The following GRM8 variants were observed in gnomAD, a reference collection of about 807,000 sequenced individuals.
GRM8 encodes glutamate metabotropic receptor 8.
A neutral mutation model predicts 87.2 loss-of-function variants in GRM8; 47 were observed. The ratio of observed to expected loss-of-function variants is 0.54; its 90% CI spans 0.43 to 0.69. The LOEUF (loss-of-function observed/expected upper bound fraction) is 0.69. Among genes scored for constraint, GRM8 ranks in the 30% least tolerant of loss-of-function variants. The pLI is 0.00. For missense variants in GRM8, 1,019 were observed against 1,139.2 expected (o/e 0.89, Z 1.52); for synonymous variants, 396 against 404.5 (o/e 0.98, Z 0.25).
intron 9 of GRM8, among the ~76,000 whole-genome samples, chr7:126,518,903 C>G (rs556792140): frequency 7.2e-5 from 11 of 151,996 alleles, no homozygotes; most frequent in Non-Finnish European, 1.5e-4. Flanking sequence ...GAGAAGATAA[C>G]TTCCTTAATC....
chr7:127,030,924 C>T (rs1200921043), intron 3 of GRM8, among the ~76,000 whole-genome samples: 1 of 152,058 alleles, frequency 6.6e-6, no homozygotes, highest in Non-Finnish European at 1.5e-5. Flanking sequence ...CTTGGCTGAC[C>T]CTCTCTGAAG....
At chr7:127,042,066 G>C (rs1818477590) in intron 3 of GRM8, among the ~76,000 whole-genome samples, 1 of 152,190 alleles carries the variant, frequency 6.6e-6, no homozygotes, top group African/African-American at 2.4e-5. Context: ...ATTGTAGAAA[G>C]AGAGGTCCTG....
At chr7:127,230,995 G>C (rs756796114) in intron 2 of GRM8, among the ~76,000 whole-genome samples, 10 of 152,128 alleles carry the variant, frequency 6.6e-5, no homozygotes, top group Non-Finnish European at 1.3e-4. Context: ...TATATTGCTC[G>C]TGGTTATTTT....
rs564345066 is a variant in GRM8, at chr7:126,965,307, A to T, written c.728-60624T>A. On this transcript the variant is annotated intron_variant, in intron 3 of 10. Coordinates refer to ENST00000339582, the MANE Select transcript of GRM8 (RefSeq NM_000845.3). ...ACATGTACCCCAGAACTTAAATTTT[A>T]AAAAAAAGAAAGAGGAAACATTTGT... is the stretch of plus-strand genomic sequence containing the variant. 4.0e-3 allele frequency among the ~76,000 whole-genome samples: 613 copies of T among 152,092 alleles called. 6 individuals are homozygous for T. The highest frequency in any genetic ancestry group is 0.014 in the African/African-American group (582 of 41,494).
At chr7:126,513,851 TC>T (rs879320074) in intron 9 of GRM8, among the ~76,000 whole-genome samples, 1 of 152,128 alleles carries the variant, frequency 6.6e-6, no homozygotes, top group Non-Finnish European at 1.5e-5. Flanking sequence ...TTGATTATAA[TC>T]AGAGGTGTAT....
At chr7:127,041,118 C>A (rs1751427254) in intron 3 of GRM8, among the ~76,000 whole-genome samples, 1 of 152,100 alleles carries the variant, frequency 6.6e-6, no homozygotes, top group Non-Finnish European at 1.5e-5. Context: ...TGTGGTCAGG[C>A]AAGGAGGGGG....
At chr7:126,598,154 T>G (rs1174942084) in intron 8 of GRM8, among the ~76,000 whole-genome samples, 1 of 152,100 alleles carries the variant, frequency 6.6e-6, no homozygotes, top group East Asian at 1.9e-4. Context: ...CTACCTTTTT[T>G]GTTTCTTCTC....
At chr7:127,239,139 C>T (rs1228376713) in intron 2 of GRM8, among the ~76,000 whole-genome samples, 1 of 152,162 alleles carries the variant, frequency 6.6e-6, no homozygotes, top group African/African-American at 2.4e-5. Context: ...GTCTCCTTCA[C>T]ATTTTAGTTC....
chr7:127,037,350 C>T (rs986810392), intron 3 of GRM8, among the ~76,000 whole-genome samples: 2 of 152,160 alleles, frequency 1.3e-5, no homozygotes, highest in Non-Finnish European at 2.9e-5. Context: ...CCAGGACTTG[C>T]TCCAAGCCCA....
intron 7 of GRM8, among the ~76,000 whole-genome samples, chr7:126,637,781 G>C (rs1031180649): frequency 3.9e-5 from 6 of 152,132 alleles, no homozygotes; most frequent in African/African-American, 9.6e-5. Flanking sequence ...GCAGTCTGTG[G>C]CCTTTCGAGT....
intron 8 of GRM8, among the ~76,000 whole-genome samples, chr7:126,594,093 T>C (rs1249694006): frequency 1.3e-5 from 2 of 151,868 alleles, no homozygotes; most frequent in Non-Finnish European, 2.9e-5. Flanking sequence ...AGAGAAAAAG[T>C]ATTAGTGAGG....
intron 7 of GRM8, among the ~76,000 whole-genome samples, chr7:126,736,477 A>C (rs1212998510): frequency 6.6e-6 from 1 of 151,958 alleles, no homozygotes; most frequent in African/African-American, 2.4e-5. Context: ...TTCATTAATT[A>C]CCTTGGTAAT....
intron 6 of GRM8, among the ~76,000 whole-genome samples, chr7:126,837,722 G>T (rs1346993406): frequency 6.6e-6 from 1 of 152,202 alleles, no homozygotes; most frequent in East Asian, 1.9e-4. Flanking sequence ...GACAGCAGAA[G>T]ATTTGTGATG....
chr7:126,974,987 T>C (rs970031670), intron 3 of GRM8, among the ~76,000 whole-genome samples: 1 of 142,046 alleles, frequency 7.0e-6, no homozygotes, highest in Non-Finnish European at 1.5e-5. Context: ...TTAGTCAATG[T>C]GACAGCTGCA....
chr7:127,237,365 G>A (rs1032228766), intron 2 of GRM8, among the ~76,000 whole-genome samples: 4 of 152,188 alleles, frequency 2.6e-5, no homozygotes, highest in African/African-American at 9.7e-5. Context: ...CTCTAGATGA[G>A]CCCGGATATG....
chr7:127,016,261 C>T (rs1353769814), intron 3 of GRM8, among the ~76,000 whole-genome samples: 2 of 152,046 alleles, frequency 1.3e-5, no homozygotes, highest in African/African-American at 2.4e-5. Flanking sequence ...CACTATTCCT[C>T]CCACGGGAGT....
chr7:126,987,844 A>G (rs1010282062), intron 3 of GRM8, among the ~76,000 whole-genome samples: 5 of 152,222 alleles, frequency 3.3e-5, no homozygotes, highest in Non-Finnish European at 2.9e-5. Context: ...CCAGAGAGTT[A>G]AACTAACTTC....
At chr7:126,837,123 G>T (rs1795883133) in intron 6 of GRM8, among the ~76,000 whole-genome samples, 1 of 151,714 alleles carries the variant, frequency 6.6e-6, no homozygotes, top group Non-Finnish European at 1.5e-5. Flanking sequence ...GATCATTATA[G>T]TCTTCATTTA....
chr7:126,699,842 A>G (rs113960472), intron 7 of GRM8, among the ~76,000 whole-genome samples: 1 of 152,160 alleles, frequency 6.6e-6, no homozygotes, highest in Non-Finnish European at 1.5e-5. Flanking sequence ...TGCAATGCAC[A>G]TTTTTTGGGA....
Sources: gnomAD v4.1 joint callset for allele counts (sites outside exome capture counted in the v4.1 genomes callset) on GRCh38, gnomAD v4.1.1 for gene constraint, MANE v1.5 for transcripts, NCBI Gene and HGNC (gene_info 2026-07-23, HGNC 2026-07-21) for gene names.